The following CCDC178 variants were observed in gnomAD, a reference collection of about 807,000 sequenced individuals.
CCDC178 encodes the protein coiled-coil domain containing 178, also known as coiled-coil domain-containing protein 178.
In CCDC178, 126 loss-of-function variants were observed where a neutral mutation model predicts 117.4. The observed-to-expected ratio is 1.07, with a 90% CI of 0.93 to 1.24. The LOEUF is 1.24. CCDC178 is among the 50% of genes most tolerant of loss of function. The pLI is 0.00. For synonymous variants in CCDC178, 283 were observed against 313.4 expected (o/e 0.90, Z 1.02); for missense variants, 1,030 against 986.9 (o/e 1.04, Z -0.59).
chr18:33,358,721 T>C (rs1350269796), intron 6 of CCDC178, among the ~76,000 whole-genome samples: 4 of 151,876 alleles, frequency 2.6e-5, no homozygotes, highest in Non-Finnish European at 5.9e-5. Context: ...TATGGAAATT[T>C]TTCTTAAACA....
intron 5 of CCDC178, among the ~76,000 whole-genome samples, chr18:33,383,913 G>T (rs765420125): frequency 6.6e-6 from 1 of 151,978 alleles, no homozygotes; most frequent in African/African-American, 2.4e-5. Context: ...AATGAATTTC[G>T]CTGAGCTAAA....
intron 21 of CCDC178, among the ~76,000 whole-genome samples, chr18:33,080,668 C>A (rs531927770): frequency 6.6e-6 from 1 of 152,206 alleles, no homozygotes; most frequent in South Asian, 2.1e-4. Flanking sequence ...GCAGCCCTAG[C>A]AAACTAATAC....
chr18:33,344,757 C>T (rs1445495662), intron 9 of CCDC178, among the ~76,000 whole-genome samples: 2 of 150,428 alleles, frequency 1.3e-5, no homozygotes, highest in Admixed American at 6.7e-5. Context: ...TCCAGAATTT[C>T]CCAGGGTGTC....
chr18:33,369,392 AC>A (rs1805904148), intron 6 of CCDC178, among the ~76,000 whole-genome samples: 2 of 151,896 alleles, frequency 1.3e-5, no homozygotes, highest in Admixed American at 1.3e-4. Context: ...AGATCCAGTA[AC>A]AGTGGAGAGA....
intron 19 of CCDC178, among the ~76,000 whole-genome samples, chr18:33,215,129 A>T (rs1383732202): frequency 6.6e-6 from 1 of 151,988 alleles, no homozygotes; most frequent in Non-Finnish European, 1.5e-5. Context: ...TGAAATGATA[A>T]ATTTGAATAA....
rs538826373 is a variant in CCDC178, at chr18:33,363,605, C to A, written c.348+6445G>T. ...GAAAGCCCTATGTCTTCATTCTTCC[C>A]CTTTTTGAATGAGGGGTTTATTGTG... is the stretch of plus-strand genomic sequence containing the variant. On this transcript the variant is annotated intron_variant, in intron 6 of 22. Coordinates refer to ENST00000383096, the MANE Select transcript of CCDC178 (RefSeq NM_001105528.4). 5.3e-5 allele frequency among the ~76,000 whole-genome samples: 8 copies of A among 152,080 alleles called. No homozygotes were observed. The East Asian group carries it at 1.6e-3, about 30-fold the overall frequency.
chr18:33,302,624 G>C (rs968723937), intron 11 of CCDC178, among the ~76,000 whole-genome samples: 3 of 151,916 alleles, frequency 2.0e-5, no homozygotes, highest in African/African-American at 7.3e-5. Context: ...TAGGTGTCCC[G>C]GTGAATGAAC....
chr18:33,164,522 A>G (rs761522592), intron 20 of CCDC178, among the ~76,000 whole-genome samples: 3 of 152,152 alleles, frequency 2.0e-5, no homozygotes, highest in Non-Finnish European at 4.4e-5. Context: ...CTGAGAAATT[A>G]GAAAATATGT....
In CCDC178 at chr18:33,208,039, T is replaced by C. The variant is rs575120109; in HGVS notation, c.2238+3857A>G. Among the ~76,000 whole-genome samples, 5 of 152,080 alleles carry C rather than the reference T, an allele frequency of 3.3e-5. No homozygotes were observed. In the South Asian group the frequency reaches 8.3e-4, roughly 25 times the overall value. On this transcript the variant is annotated intron_variant, in intron 20 of 22. Transcript: ENST00000383096. ...TACAAAATTAGCACTCTTGCCACCA[T>C]CTTCAAATTAAAATGTTCATTCCTC...
chr18:32,996,623 A>G (rs1219554262), intron 21 of CCDC178, among the ~76,000 whole-genome samples: 1 of 152,054 alleles, frequency 6.6e-6, no homozygotes, highest in Non-Finnish European at 1.5e-5. Context: ...AACTGTTAAA[A>G]TATGATTTAA....
rs1038511423 is a variant in CCDC178, at chr18:33,245,156, A to G, written c.1593+89T>C. 3.1e-5 allele frequency: 37 copies of G among 1,207,038 alleles called. No individual in the cohort carries two copies. The South Asian group carries it at 8.5e-4, about 28-fold the overall frequency. 74.8% of individuals were successfully genotyped at this position (1,207,038 alleles called of 1,614,324 possible). A position where few individuals can be genotyped will look rare whatever the true frequency, so the allele number is the denominator to read the frequency against. On this transcript the variant is annotated intron_variant, in intron 15 of 22. Transcript: ENST00000383096. ...TGAAAAGACTGTTAATCCTTAAATT[A>G]AAATCTAATTATCAAGATGAAATCG... is the stretch of plus-strand genomic sequence containing the variant.
chr18:32,998,944 A>G (rs2055573979), intron 21 of CCDC178, among the ~76,000 whole-genome samples: 1 of 151,960 alleles, frequency 6.6e-6, no homozygotes, highest in Non-Finnish European at 1.5e-5. Context: ...CTTCTGCTTG[A>G]GAAAAGGAGA....
intron 20 of CCDC178, among the ~76,000 whole-genome samples, chr18:33,199,548 C>A (rs1361523588): frequency 1.3e-5 from 2 of 152,156 alleles, no homozygotes; most frequent in Non-Finnish European, 2.9e-5. Flanking sequence ...ACCATTCATA[C>A]CCATGGACAC....
intron 21 of CCDC178, among the ~76,000 whole-genome samples, chr18:33,026,407 A>T (rs1042634312): frequency 8.5e-5 from 13 of 152,110 alleles, no homozygotes; most frequent in Non-Finnish European, 1.8e-4. Flanking sequence ...TTACATTGGC[A>T]TGTGGAACTA....
intron 20 of CCDC178, among the ~76,000 whole-genome samples, chr18:33,169,993 C>A (rs185547591): frequency 6.6e-6 from 1 of 152,064 alleles, no homozygotes; most frequent in East Asian, 1.9e-4. Context: ...TCCTCAAAAC[C>A]AATACCAGCC....
At chr18:33,185,738 C>G (rs2058784370) in intron 20 of CCDC178, among the ~76,000 whole-genome samples, 1 of 151,886 alleles carries the variant, frequency 6.6e-6, no homozygotes, top group Non-Finnish European at 1.5e-5. Context: ...TTAAGGTAAT[C>G]TTGAATACCC....
intron 21 of CCDC178, among the ~76,000 whole-genome samples, chr18:33,085,517 C>T (rs1418093195): frequency 2.0e-5 from 3 of 151,886 alleles, no homozygotes; most frequent in South Asian, 2.1e-4. Context: ...GAGCCGAGAT[C>T]GCGCCACTGC....
At chr18:33,388,947 G>A (rs1030471387) in intron 5 of CCDC178, among the ~76,000 whole-genome samples, 7 of 151,990 alleles carry the variant, frequency 4.6e-5, no homozygotes, top group Non-Finnish European at 8.8e-5. Context: ...ATGAGAGCAC[G>A]TGGACATAGG....
chr18:33,098,000 A>G (rs78182726), intron 20 of CCDC178, among the ~76,000 whole-genome samples: 4,461 of 152,180 alleles, frequency 0.029, 227 homozygotes, highest in African/African-American at 0.1. Context: ...GGACCTGTAG[A>G]ACTGTGGACT....
Sources: allele counts gnomAD v4.1 joint callset (sites outside exome capture counted in the v4.1 genomes callset), GRCh38; gene constraint gnomAD v4.1.1; transcripts MANE v1.5; gene names NCBI Gene and HGNC (gene_info 2026-07-23, HGNC 2026-07-21).